The following RBFOX1 variants were observed in gnomAD, a reference collection of about 807,000 sequenced individuals.
RBFOX1 encodes the protein RNA binding protein fox-1 homolog 1.
In RBFOX1, 8 loss-of-function variants were observed where a neutral mutation model predicts 57.7. The ratio of observed to expected loss-of-function variants is 0.14; its 90% CI spans 0.08 to 0.25. The LOEUF (loss-of-function observed/expected upper bound fraction) is 0.25, where lower values mean the gene tolerates loss of function less well. Ranked by LOEUF, RBFOX1 falls within the 10% of genes least tolerant of loss-of-function variation. RBFOX1 has a pLI of 1.00. For missense variants in RBFOX1, 611 were observed against 548.5 expected (o/e 1.11, Z -1.14); for synonymous variants, 326 against 222.4 (o/e 1.47, Z -4.15).
At chr16:5,396,073 A>C (rs910902787) in intron 1 of RBFOX1, among the ~76,000 whole-genome samples, 1 of 152,152 alleles carries the variant, frequency 6.6e-6, no homozygotes, top group African/African-American at 2.4e-5. Flanking sequence ...ACCTGTAGAA[A>C]CTGTGAGATA....
chr16:6,942,107 T>C (rs1395178276), intron 3 of RBFOX1, among the ~76,000 whole-genome samples: 1 of 152,064 alleles, frequency 6.6e-6, no homozygotes, highest in Non-Finnish European at 1.5e-5. Flanking sequence ...CGTGCAGTGG[T>C]GCACACCTGT....
At chr16:5,420,449 T>C (rs1322413277) in intron 1 of RBFOX1, among the ~76,000 whole-genome samples, 3 of 151,960 alleles carry the variant, frequency 2.0e-5, no homozygotes, top group Non-Finnish European at 2.9e-5. Context: ...CATACAGTCA[T>C]ACACACACAC....
intron 3 of RBFOX1, among the ~76,000 whole-genome samples, chr16:5,820,803 C>T (rs750592630): frequency 2.0e-5 from 3 of 152,184 alleles, no homozygotes; most frequent in East Asian, 3.9e-4. Context: ...TTAGACAAGC[C>T]AGTCTAGATC....
intron 2 of RBFOX1, among the ~76,000 whole-genome samples, chr16:6,500,293 C>T (rs1023693920): frequency 1.2e-4 from 19 of 152,316 alleles, no homozygotes; most frequent in African/African-American, 4.1e-4. Flanking sequence ...GTGTTCAACA[C>T]ACCATGCTTC....
chr16:5,748,049 T>A (rs1322920257), intron 3 of RBFOX1, among the ~76,000 whole-genome samples: 1 of 152,340 alleles, frequency 6.6e-6, no homozygotes, highest in East Asian at 1.9e-4. Flanking sequence ...GCTTTAAATG[T>A]GTCCCAGATA....
intron 4 of RBFOX1, among the ~76,000 whole-genome samples, chr16:7,242,019 G>A (rs569476524): frequency 4.0e-5 from 6 of 151,416 alleles, no homozygotes; most frequent in African/African-American, 1.5e-4. Context: ...CCCTTTTTTT[G>A]TGCAGTGTCC....
chr16:6,632,341 A>T (rs1256667006), intron 2 of RBFOX1, among the ~76,000 whole-genome samples: 3 of 152,164 alleles, frequency 2.0e-5, no homozygotes, highest in Non-Finnish European at 1.5e-5. Context: ...GAGAAAGAAA[A>T]AAAAAAAAGG....
intron 4 of RBFOX1, among the ~76,000 whole-genome samples, chr16:7,301,217 G>A (rs1032090124): frequency 2.0e-5 from 3 of 152,234 alleles, no homozygotes; most frequent in Non-Finnish European, 4.4e-5. Flanking sequence ...TGATTAAGGA[G>A]CACTGATGTT....
chr16:6,695,270 T>C (rs972403092), intron 3 of RBFOX1, among the ~76,000 whole-genome samples: 1 of 151,572 alleles, frequency 6.6e-6, no homozygotes, highest in Non-Finnish European at 1.5e-5. Flanking sequence ...AAATAAAAAA[T>C]TAGCTGGGCG....
intron 4 of RBFOX1, among the ~76,000 whole-genome samples, chr16:7,468,731 C>A (rs1156751845): frequency 2.0e-5 from 3 of 152,096 alleles, no homozygotes; most frequent in Non-Finnish European, 1.5e-5. Flanking sequence ...GGTCTGGGGT[C>A]AGCCTCTGAG....
chr16:7,586,866 A>C (rs1212463582), intron 6 of RBFOX1, among the ~76,000 whole-genome samples: 1 of 152,208 alleles, frequency 6.6e-6, no homozygotes, highest in Non-Finnish European at 1.5e-5. Flanking sequence ...ATTGATTATC[A>C]AAATCACATT....
rs766480719 is a variant in RBFOX1 at position 5,267,297 on chromosome 16, G to GT, written c.219+27201dup. Among the ~76,000 whole-genome samples the GT allele has an allele frequency of 8.4e-3, 578 of 68,948 alleles. 4 individuals carry two copies. The highest frequency in any genetic ancestry group is 9.5e-3 in the Non-Finnish European group (344 of 36,166). The allele number at this position is 68,948 out of a possible 152,430, so 45.2% of individuals were successfully genotyped here. On this transcript the variant is annotated intron_variant, in intron 1 of 2. Coordinates refer to the RBFOX1 transcript ENST00000585867. ...TCTGTTACAAGGCCCACACATAAGG[G>GT]TTTTTTTTTCTTTTTCTTTTGAGAC...
intron 2 of RBFOX1, among the ~76,000 whole-genome samples, chr16:6,331,545 CTATA>C (rs910680711): frequency 6.8e-6 from 1 of 147,902 alleles, no homozygotes; most frequent in Non-Finnish European, 1.5e-5. Context: ...CTCTCTCTCT[CTATA>C]TATATATATG....
At chr16:6,400,088 C>T (rs897966024) in intron 2 of RBFOX1, among the ~76,000 whole-genome samples, 3 of 152,146 alleles carry the variant, frequency 2.0e-5, no homozygotes, top group African/African-American at 7.2e-5. Flanking sequence ...GTGATTTGAA[C>T]AACACTATCT....
chr16:5,402,624 G>C (rs1018713243), intron 1 of RBFOX1, among the ~76,000 whole-genome samples: 4 of 152,106 alleles, frequency 2.6e-5, no homozygotes, highest in African/African-American at 9.7e-5. Flanking sequence ...CATATGATTC[G>C]CAAGTAATTA....
chr16:6,169,394 A>G (rs527244021), intron 1 of RBFOX1, among the ~76,000 whole-genome samples: 6 of 152,258 alleles, frequency 3.9e-5, no homozygotes, highest in Admixed American at 3.9e-4. Context: ...GGAAGAGTTC[A>G]GAGAGGTTAT....
intron 3 of RBFOX1, among the ~76,000 whole-genome samples, chr16:5,725,133 A>G (rs2052092892): frequency 6.6e-6 from 1 of 152,202 alleles, no homozygotes; most frequent in Non-Finnish European, 1.5e-5. Flanking sequence ...GAATCCTCCA[A>G]GAGGCCTGAT....
intron 3 of RBFOX1, among the ~76,000 whole-genome samples, chr16:6,830,296 T>G (rs1210326204): frequency 6.6e-6 from 1 of 152,182 alleles, no homozygotes; most frequent in African/African-American, 2.4e-5. Context: ...ACAGGGAAAG[T>G]CTAAAATAAT....
intron 2 of RBFOX1, among the ~76,000 whole-genome samples, chr16:6,398,305 T>G (rs1196089532): frequency 6.6e-6 from 1 of 152,174 alleles, no homozygotes; most frequent in Non-Finnish European, 1.5e-5. Flanking sequence ...ATTCTGCTCC[T>G]GGTCCTTTCC....
Sources: gnomAD v4.1 joint callset for allele counts (sites outside exome capture counted in the v4.1 genomes callset) on GRCh38, gnomAD v4.1.1 for gene constraint, MANE v1.5 for transcripts, NCBI Gene and HGNC (gene_info 2026-07-23, HGNC 2026-07-21) for gene names.